HMCN1: variants seen among roughly 807,000 people sequenced by gnomAD.
The protein encoded by HMCN1 is hemicentin 1, also known as hemicentin-1.
In HMCN1, 321 loss-of-function variants were observed where a neutral mutation model predicts 625.9. That is an observed-to-expected ratio of 0.51 (90% CI 0.47 to 0.56). HMCN1 has a LOEUF of 0.56. Among genes scored for constraint, HMCN1 ranks in the 20% least tolerant of loss-of-function variants. The probability of loss-of-function intolerance (pLI) is 0.00; values close to 1 mark genes in which losing one functional copy is unlikely to be tolerated. For synonymous variants in HMCN1, 2,425 were observed against 2,417.6 expected (o/e 1.00, Z -0.09); for missense variants, 6,588 against 6,887.3 (o/e 0.96, Z 1.54).
chr1:186,006,235 A>C (rs147003686), intron 29 of HMCN1, among the ~76,000 whole-genome samples: 1 of 152,276 alleles, frequency 6.6e-6, no homozygotes, highest in African/African-American at 2.4e-5. Context: ...AGAAATAGTA[A>C]AATATGCTAC....
At chr1:186,014,959 A>G (rs1654263684) in intron 30 of HMCN1, among the ~76,000 whole-genome samples, 200 bp from the exon 31 acceptor site, 1 of 152,118 alleles carries the variant, frequency 6.6e-6, no homozygotes, top group African/African-American at 2.4e-5. Flanking sequence ...TTCTGTTTTT[A>G]CTGAAATCTG....
At chr1:185,977,225 A>C (rs967086141) in intron 15 of HMCN1, among the ~76,000 whole-genome samples, 1 of 152,112 alleles carries the variant, frequency 6.6e-6, no homozygotes, top group African/African-American at 2.4e-5. Flanking sequence ...TATTTATTCT[A>C]ATATTTAAAT....
intron 35 of HMCN1, among the ~76,000 whole-genome samples, chr1:186,022,661 T>C (rs1004119150): frequency 2.6e-5 from 4 of 152,192 alleles, no homozygotes; most frequent in Non-Finnish European, 4.4e-5. Flanking sequence ...TAAAAAGTCA[T>C]TGTTTTAAAA....
chr1:185,811,905 G>A (rs6657554), intron 1 of HMCN1, among the ~76,000 whole-genome samples: 16,499 of 152,182 alleles, frequency 0.11, 2,904 homozygotes, highest in African/African-American at 0.37. Flanking sequence ...GATTGTCTCA[G>A]TTAATGAGGT....
At chr1:185,761,347 C>T (rs1655489825) in intron 1 of HMCN1, among the ~76,000 whole-genome samples, 1 of 151,544 alleles carries the variant, frequency 6.6e-6, no homozygotes, top group Non-Finnish European at 1.5e-5. Context: ...GATGTTTAGA[C>T]TTGTGATCTT....
chr1:186,063,191 T>C (rs77860080), intron 48 of HMCN1, among the ~76,000 whole-genome samples: 5,773 of 146,162 alleles, frequency 0.039, 375 homozygotes, highest in African/African-American at 0.13. Flanking sequence ...GTAAACATAC[T>C]AATGCAGGTA....
chr1:185,975,701 A>G (rs1007770427), intron 15 of HMCN1, among the ~76,000 whole-genome samples: 2 of 152,202 alleles, frequency 1.3e-5, no homozygotes, highest in African/African-American at 2.4e-5. Context: ...TCAAATTTCC[A>G]TATAGATGGA....
chr1:185,939,402 A>C (rs1323969784), intron 11 of HMCN1, among the ~76,000 whole-genome samples: 6 of 152,244 alleles, frequency 3.9e-5, no homozygotes, highest in East Asian at 1.9e-4. Context: ...CTATGCAAAC[A>C]AACAAATGGA....
chr1:185,886,941 A>C (rs907429816), intron 4 of HMCN1, among the ~76,000 whole-genome samples: 1 of 152,088 alleles, frequency 6.6e-6, no homozygotes, highest in African/African-American at 2.4e-5. Context: ...ATGTATCTCC[A>C]GGTATTTCCT....
chr1:185,997,630 G>C (rs981588668), intron 25 of HMCN1, 106 bp downstream of exon 25: 3 of 802,392 alleles, frequency 3.7e-6, no homozygotes, highest in African/African-American at 1.7e-5. Context: ...TCAATCCTTG[G>C]TAGAACATTT....
At chr1:185,948,603 C>A (rs1443915615) in intron 11 of HMCN1, among the ~76,000 whole-genome samples, 1 of 151,384 alleles carries the variant, frequency 6.6e-6, no homozygotes, top group Non-Finnish European at 1.5e-5. Flanking sequence ...GGTGGAATGT[C>A]ATCAGTTAAG....
chr1:185,912,748 C>T (rs543854614), intron 6 of HMCN1, among the ~76,000 whole-genome samples: 3 of 152,126 alleles, frequency 2.0e-5, no homozygotes, highest in African/African-American at 7.2e-5. Context: ...GCTTAAAACA[C>T]ACCCTTTGTG....
chr1:186,111,754 A>T (rs1314162693), intron 71 of HMCN1, among the ~76,000 whole-genome samples: 1 of 152,246 alleles, frequency 6.6e-6, no homozygotes, highest in East Asian at 1.9e-4. Context: ...TACATACTTA[A>T]GAAATCACTT....
At chr1:185,943,048 G>C (rs923985372) in intron 11 of HMCN1, among the ~76,000 whole-genome samples, 2 of 152,070 alleles carry the variant, frequency 1.3e-5, no homozygotes, top group African/African-American at 4.8e-5. Flanking sequence ...ATATCATAAA[G>C]GACACAGAGA....
At chr1:185,929,842 A>C (rs1667456987) in intron 10 of HMCN1, among the ~76,000 whole-genome samples, 1 of 152,204 alleles carries the variant, frequency 6.6e-6, no homozygotes, top group South Asian at 2.1e-4. Context: ...GCAAGTTGAC[A>C]TACATCACAA....
chr1:185,810,590 ACAAT>A (rs1659449135), intron 1 of HMCN1, among the ~76,000 whole-genome samples: 2 of 152,150 alleles, frequency 1.3e-5, no homozygotes, highest in South Asian at 4.1e-4. Flanking sequence ...ATTTAATCCC[ACAAT>A]CAGTTTATGT....
At chr1:185,970,640 T>G in intron 15 of HMCN1, 147 bp downstream of exon 15, 3 of 714,830 alleles carry the variant, frequency 4.2e-6, no homozygotes, top group Non-Finnish European at 7.4e-6. Flanking sequence ...TAACAGTAGT[T>G]AGCATTTACT....
rs1036984503 is a variant in HMCN1 at position 185,856,406 on chromosome 1, C to G, written c.340-8064C>G. Among the ~76,000 whole-genome samples the G allele has an allele frequency of 4.0e-5, 6 of 151,312 alleles. No homozygotes were observed. The South Asian group carries it at 1.0e-3, about 26-fold the overall frequency. ...TCGGGAGGCTGAGGCAGGAGAATCTCTTGAGCACCAGAGGTGGAGTTGCGG... is the reference window on the plus strand; with the variant it reads ...TCGGGAGGCTGAGGCAGGAGAATCTGTTGAGCACCAGAGGTGGAGTTGCGG... On this transcript the variant is annotated intron_variant, in intron 2 of 106. Coordinates refer to ENST00000271588, the MANE Select transcript of HMCN1 (RefSeq NM_031935.3).
At chr1:185,805,844 G>A (rs1354297100) in intron 1 of HMCN1, among the ~76,000 whole-genome samples, 1 of 152,104 alleles carries the variant, frequency 6.6e-6, no homozygotes, top group East Asian at 1.9e-4. Flanking sequence ...CAATACTTGA[G>A]CTGATTCTGG....
Sources: allele counts gnomAD v4.1 joint callset (sites outside exome capture counted in the v4.1 genomes callset), GRCh38; gene constraint gnomAD v4.1.1; transcripts MANE v1.5; gene names NCBI Gene and HGNC (gene_info 2026-07-23, HGNC 2026-07-21).